The following DROSHA variants were observed in gnomAD, a reference collection of about 807,000 sequenced individuals.
The protein encoded by DROSHA is ribonuclease 3.
Under a neutral mutation model 181.9 loss-of-function variants are expected in DROSHA, and 56 were observed. That is an observed-to-expected ratio of 0.31 (90% CI 0.25 to 0.38). DROSHA has a LOEUF of 0.38. DROSHA is among the 10% of genes least tolerant of loss of function. The pLI, the probability that DROSHA is intolerant of heterozygous loss-of-function variation, is 1.00. For synonymous variants in DROSHA, 524 were observed against 591.2 expected, an observed-to-expected ratio of 0.89 and a Z score of 1.65; for missense variants, 1,218 against 1,743.5, an observed-to-expected ratio of 0.70 and a Z score of 5.37.
chr5:31,490,293 C>T (rs546467427), intron 13 of DROSHA, among the ~76,000 whole-genome samples: 5 of 151,858 alleles, frequency 3.3e-5, no homozygotes, highest in East Asian at 1.9e-4. Context: ...GTGATCCTCC[C>T]GCATTAGCTT....
At chr5:31,426,734 C>T (rs1007151129) in intron 27 of DROSHA, among the ~76,000 whole-genome samples, 5 of 151,994 alleles carry the variant, frequency 3.3e-5, no homozygotes, top group African/African-American at 1.2e-4. Flanking sequence ...TTAAATGCTA[C>T]GTTATGTAGT....
At chr5:31,410,117 T>C (rs1454302065) in intron 31 of DROSHA, among the ~76,000 whole-genome samples, 1 of 152,180 alleles carries the variant, frequency 6.6e-6, no homozygotes, top group Non-Finnish European at 1.5e-5. Context: ...TTTTGCATGG[T>C]AGACTTTGAT....
At chr5:31,419,092 T>C (rs970214144) in intron 30 of DROSHA, among the ~76,000 whole-genome samples, 3 of 152,196 alleles carry the variant, frequency 2.0e-5, no homozygotes, top group South Asian at 2.1e-4. Flanking sequence ...GTCTGCAAAG[T>C]AGGCTGAGAA....
At chr5:31,403,126 A>G (rs1740229553) in intron 35 of DROSHA, among the ~76,000 whole-genome samples, 1 of 152,234 alleles carries the variant, frequency 6.6e-6, no homozygotes, top group Non-Finnish European at 1.5e-5. Context: ...TGGAAATAAA[A>G]CAGTAATAAA....
At chr5:31,425,342 T>C (rs1743337008) in intron 27 of DROSHA, among the ~76,000 whole-genome samples, 1 of 152,186 alleles carries the variant, frequency 6.6e-6, no homozygotes, top group Non-Finnish European at 1.5e-5. Context: ...GTTTTTTAAA[T>C]AATATTTTTT....
chr5:31,435,792 C>T lies in DROSHA; in HGVS notation c.3015G>A (p.Gln1005=). 6.2e-7 allele frequency: 1 copy of T among 1,613,844 alleles called. No homozygotes were observed. The highest frequency in any genetic ancestry group is 1.6e-4 in the Middle Eastern group (1 of 6,062). ...GLATYRTAIV[Q]NQHLAMLAKK... ...TTGCTAGCATGGCAAGGTGCTGATT[C>T]TGAACAATGGCAGTCCGATAGGTTG... Residue 1005 remains glutamine, a synonymous_variant, in exon 25 of 36, where the codon CAG becomes CAA. Transcript: ENST00000344624.
chr5:31,466,430 C>T (rs1341149141), intron 18 of DROSHA, 149 bp from the exon 19 acceptor site: 2 of 666,886 alleles, frequency 3.0e-6, no homozygotes, highest in Admixed American at 5.5e-5. Flanking sequence ...CTAAGGAAGG[C>T]TATGACTTTG....
intron 15 of DROSHA, among the ~76,000 whole-genome samples, chr5:31,483,913 T>C (rs1183717917): frequency 6.6e-6 from 1 of 152,140 alleles, no homozygotes; most frequent in Non-Finnish European, 1.5e-5. Flanking sequence ...TTTTTAAAAT[T>C]CAAAACTATC....
At chr5:31,447,976 A>G (rs1357059772) in intron 23 of DROSHA, among the ~76,000 whole-genome samples, 4 of 152,240 alleles carry the variant, frequency 2.6e-5, no homozygotes, top group Non-Finnish European at 5.9e-5. Flanking sequence ...CAGAGTTACC[A>G]TATGACCCAG....
At position 31,497,559 on chromosome 5, in the gene DROSHA, T is replaced by C. The variant is rs76375663; in HGVS notation, c.1669-2187A>G. Among the ~76,000 whole-genome samples the C allele has an allele frequency of 4.6e-3, 708 of 152,330 alleles. 6 individuals carry two copies. Among genetic ancestry groups the C allele is most frequent in the African/African-American group, 0.016 (679 of 41,572 alleles). ...CAATTTCCATAACAGAGGTACAAAGTGCACACAGAAGGTAGCAATTGGCCA... is the reference window on the plus strand; with the variant it reads ...CAATTTCCATAACAGAGGTACAAAGCGCACACAGAAGGTAGCAATTGGCCA... On this transcript the variant is annotated intron_variant, in intron 11 of 35. Transcript: ENST00000344624.
chr5:31,477,923 C>A (rs531523707), intron 16 of DROSHA, among the ~76,000 whole-genome samples: 219 of 152,224 alleles, frequency 1.4e-3, no homozygotes, highest in African/African-American at 5.0e-3. Flanking sequence ...TTGAATAATC[C>A]TTGGTTTAAA....
At chr5:31,481,122 T>C (rs1750987259) in intron 16 of DROSHA, among the ~76,000 whole-genome samples, 1 of 152,156 alleles carries the variant, frequency 6.6e-6, no homozygotes, top group African/African-American at 2.4e-5. Context: ...CACCATTTTC[T>C]AAAAGATCTT....
chr5:31,490,090 G>T (rs1752226421), intron 13 of DROSHA, among the ~76,000 whole-genome samples: 1 of 151,516 alleles, frequency 6.6e-6, no homozygotes, highest in Non-Finnish European at 1.5e-5. Flanking sequence ...TGGCCAGGCT[G>T]GTCTCAAACT....
At chr5:31,462,637 C>T (rs1265565998) in intron 20 of DROSHA, among the ~76,000 whole-genome samples, 2 of 35,406 alleles carry the variant, frequency 5.6e-5, no homozygotes, top group African/African-American at 2.4e-4. Context: ...GTTTGCTTCA[C>T]AAAAAGAAAA....
intron 17 of DROSHA, among the ~76,000 whole-genome samples, chr5:31,471,111 G>C (rs1358192709): frequency 6.6e-6 from 1 of 152,046 alleles, no homozygotes; most frequent in East Asian, 1.9e-4. Flanking sequence ...TTCTGGATTT[G>C]TTTAAAAGAA....
chr5:31,435,511 C>T (rs1012500092), intron 25 of DROSHA, among the ~76,000 whole-genome samples: 3 of 151,522 alleles, frequency 2.0e-5, no homozygotes, highest in African/African-American at 7.3e-5. Context: ...TGTTCATGCA[C>T]ATCTGTCAAA....
chr5:31,516,027 G>A (rs940747644), intron 6 of DROSHA, among the ~76,000 whole-genome samples: 8 of 152,138 alleles, frequency 5.3e-5, no homozygotes, highest in African/African-American at 9.7e-5. Context: ...AGGCCGAGGC[G>A]GGAGGATCAC....
At chr5:31,484,811 T>C in intron 15 of DROSHA, 70 bp downstream of exon 15, 1 of 1,140,036 alleles carries the variant, frequency 8.8e-7, no homozygotes, top group Non-Finnish European at 1.2e-6. Flanking sequence ...ACAACTTTTA[T>C]AAGAGTTTTC....
intron 12 of DROSHA, among the ~76,000 whole-genome samples, chr5:31,494,655 A>C (rs901765020): frequency 3.9e-5 from 6 of 152,080 alleles, no homozygotes; most frequent in Non-Finnish European, 5.9e-5. Flanking sequence ...AAAATGGTAC[A>C]GCCACTTTGG....
Sources: allele counts gnomAD v4.1 joint callset (sites outside exome capture counted in the v4.1 genomes callset), GRCh38; gene constraint gnomAD v4.1.1; transcripts MANE v1.5; gene names NCBI Gene and HGNC (gene_info 2026-07-23, HGNC 2026-07-21).